The following PDE7B variants were observed in gnomAD, a reference collection of about 807,000 sequenced individuals.
The protein encoded by PDE7B is phosphodiesterase 7B, also known as 3',5'-cyclic-AMP phosphodiesterase 7B.
A neutral mutation model predicts 56.2 loss-of-function variants in PDE7B; 29 were observed. The observed-to-expected ratio is 0.52, with a 90% CI of 0.38 to 0.70. The LOEUF is 0.70. PDE7B is among the 30% of genes least tolerant of loss of function. PDE7B has a pLI of 0.00. For missense variants in PDE7B, 490 were observed against 565.0 expected, an observed-to-expected ratio of 0.87 and a Z score of 1.35; for synonymous variants, 197 against 196.9, an observed-to-expected ratio of 1.00 and a Z score of 0.00.
intron 1 of PDE7B, among the ~76,000 whole-genome samples, chr6:135,857,326 A>G (rs546580129): frequency 4.7e-4 from 72 of 152,252 alleles, no homozygotes; most frequent in Middle Eastern, 3.4e-3. Flanking sequence ...TATAAATAGG[A>G]AGTATATAAA....
At chr6:135,924,176 A>G (rs894062982) in intron 1 of PDE7B, among the ~76,000 whole-genome samples, 2 of 152,254 alleles carry the variant, frequency 1.3e-5, no homozygotes, top group African/African-American at 4.8e-5. Flanking sequence ...CTTTCATTCA[A>G]TAATTCTTAT....
chr6:135,903,531 A>G (rs1776042849), intron 1 of PDE7B, among the ~76,000 whole-genome samples: 1 of 152,174 alleles, frequency 6.6e-6, no homozygotes. Flanking sequence ...GGGTAATGTC[A>G]ACCAAACCAA....
At chr6:136,028,554 A>T (rs1290061717) in intron 2 of PDE7B, among the ~76,000 whole-genome samples, 2 of 152,156 alleles carry the variant, frequency 1.3e-5, no homozygotes, top group Non-Finnish European at 2.9e-5. Context: ...TTCTTTCTGG[A>T]GGCTCTAAGG....
intron 2 of PDE7B, among the ~76,000 whole-genome samples, chr6:136,040,138 C>T (rs938368045): frequency 2.0e-5 from 3 of 152,124 alleles, no homozygotes; most frequent in Non-Finnish European, 2.9e-5. Context: ...TCTTACTATA[C>T]CTCTCTACCA....
At chr6:136,149,451 AAGG>A (rs1256764411) in intron 5 of PDE7B, among the ~76,000 whole-genome samples, 7 of 152,238 alleles carry the variant, frequency 4.6e-5, no homozygotes, top group African/African-American at 1.7e-4. Context: ...ATCCAGAAGT[AAGG>A]AGTTCATTGT....
chr6:135,881,882 AAAAC>A (rs1775618053), intron 1 of PDE7B, among the ~76,000 whole-genome samples: 1 of 152,254 alleles, frequency 6.6e-6, no homozygotes, highest in African/African-American at 2.4e-5. Flanking sequence ...TATTTAAAAA[AAAAC>A]AGACTTGAAA....
intron 1 of PDE7B, among the ~76,000 whole-genome samples, chr6:135,872,735 AT>A (rs1775409400): frequency 6.6e-6 from 1 of 152,214 alleles, no homozygotes; most frequent in South Asian, 2.1e-4. Context: ...GAAGTCTATT[AT>A]GGAAATTTTG....
chr6:136,130,977 C>T (rs753617214), intron 3 of PDE7B, among the ~76,000 whole-genome samples: 3 of 152,130 alleles, frequency 2.0e-5, no homozygotes, highest in Non-Finnish European at 2.9e-5. Flanking sequence ...CCCACCGGGT[C>T]CCTCCCACAA....
At chr6:136,008,190 T>C (rs909773895) in intron 2 of PDE7B, among the ~76,000 whole-genome samples, 2 of 152,100 alleles carry the variant, frequency 1.3e-5, no homozygotes, top group African/African-American at 4.8e-5. Flanking sequence ...TGCATAGTAT[T>C]CCATGGTGTA....
At chr6:135,934,823 T>C in intron 1 of PDE7B, among the ~76,000 whole-genome samples, 1 of 75,192 alleles carries the variant, frequency 1.3e-5, no homozygotes, top group South Asian at 4.3e-4. Flanking sequence ...TATATATATT[T>C]AATAAATAAA....
chr6:136,072,534 T>C (rs1231989643), intron 2 of PDE7B: 1 of 152,202 alleles, frequency 6.6e-6, no homozygotes, highest in Non-Finnish European at 1.5e-5. Flanking sequence ...AGATGTCTTC[T>C]AATAACTATT....
intron 1 of PDE7B, among the ~76,000 whole-genome samples, chr6:135,925,939 G>C (rs886553299): frequency 6.6e-6 from 1 of 152,030 alleles, no homozygotes; most frequent in Non-Finnish European, 1.5e-5. Context: ...CCCATCGCTA[G>C]GTTCATGGCT....
chr6:136,043,084 T>C (rs146761324), intron 2 of PDE7B, among the ~76,000 whole-genome samples: 1 of 152,366 alleles, frequency 6.6e-6, no homozygotes, highest in Non-Finnish European at 1.5e-5. Context: ...GCAGGACAAA[T>C]TGCTTTGAGC....
At chr6:136,055,541 A>ACACT (rs1776714905) in intron 2 of PDE7B, among the ~76,000 whole-genome samples, 1 of 152,210 alleles carries the variant, frequency 6.6e-6, no homozygotes, top group Admixed American at 6.5e-5. Flanking sequence ...CCCATTTCAC[A>ACACT]CACTTTGCCC....
chr6:136,102,151 C>T (rs1777573766), intron 2 of PDE7B, among the ~76,000 whole-genome samples: 1 of 152,104 alleles, frequency 6.6e-6, no homozygotes, highest in Non-Finnish European at 1.5e-5. Flanking sequence ...ATGATACACA[C>T]ACCTATGCCT....
At chr6:136,047,013 A>G (rs1490507516) in intron 2 of PDE7B, among the ~76,000 whole-genome samples, 2 of 152,202 alleles carry the variant, frequency 1.3e-5, no homozygotes, top group Admixed American at 1.3e-4. Flanking sequence ...GTGCAAAACA[A>G]AAGAAAATGG....
chr6:136,061,021 C>T (rs956861417), intron 2 of PDE7B, among the ~76,000 whole-genome samples: 3 of 152,024 alleles, frequency 2.0e-5, no homozygotes, highest in African/African-American at 4.8e-5. Context: ...TTACTGAATG[C>T]ATGAAGGTAA....
chr6:136,069,413 G>C (rs1777007612), intron 2 of PDE7B, among the ~76,000 whole-genome samples: 1 of 152,152 alleles, frequency 6.6e-6, no homozygotes, highest in Non-Finnish European at 1.5e-5. Flanking sequence ...AAAATAATCA[G>C]TAGTGAATGC....
At chr6:135,878,006 G>A (rs1562421723) in intron 1 of PDE7B, among the ~76,000 whole-genome samples, 1 of 152,156 alleles carries the variant, frequency 6.6e-6, no homozygotes, top group South Asian at 2.1e-4. Flanking sequence ...TGCAATTAGA[G>A]CAGGTTTCCA....
Sources: gnomAD v4.1 joint callset for allele counts (sites outside exome capture counted in the v4.1 genomes callset) on GRCh38, gnomAD v4.1.1 for gene constraint, MANE v1.5 for transcripts, NCBI Gene and HGNC (gene_info 2026-07-23, HGNC 2026-07-21) for gene names.